Variants in MCTP1 observed in about 807,000 individuals in gnomAD.
MCTP1 encodes the protein multiple C2 and transmembrane domain containing 1, also known as multiple C2 and transmembrane domain-containing protein 1.
Under a neutral mutation model 120.6 loss-of-function variants are expected in MCTP1, and 69 were observed. The observed-to-expected ratio is 0.57, with a 90% CI of 0.47 to 0.70. MCTP1 has a LOEUF of 0.70. Ranked by LOEUF, MCTP1 falls within the 30% of genes least tolerant of loss-of-function variation. The pLI is 0.00. For synonymous variants in MCTP1, 529 were observed against 493.1 expected, an observed-to-expected ratio of 1.07 and a Z score of -0.96; for missense variants, 1,203 against 1,248.8, an observed-to-expected ratio of 0.96 and a Z score of 0.55.
chr5:94,894,104 G>T (rs145673723), intron 11 of MCTP1, among the ~76,000 whole-genome samples: 1 of 152,180 alleles, frequency 6.6e-6, no homozygotes, highest in Admixed American at 6.5e-5. Context: ...CCATACTATC[G>T]TTCCACATTC....
intron 11 of MCTP1, among the ~76,000 whole-genome samples, chr5:94,894,309 C>G (rs1803377716): frequency 6.6e-6 from 1 of 152,210 alleles, no homozygotes; most frequent in African/African-American, 2.4e-5. Flanking sequence ...ATTTTAATTG[C>G]AGCTACAAAG....
At position 95,061,408 on chromosome 5, in the gene MCTP1, GTTTTT is replaced by G. The variant is rs556663513; in HGVS notation, c.721-43929_721-43925del. Reference sequence around the variant, plus strand: ...ATCAATTTTCACAAACCCCTTAAGGGTTTTTTTTTTTTTTTTTTTTTTTTTTTTTT... The same window carrying G: ...ATCAATTTTCACAAACCCCTTAAGGGTTTTTTTTTTTTTTTTTTTTTTTTT... On this transcript the variant is annotated intron_variant, in intron 1 of 22. Coordinates refer to ENST00000515393, the MANE Select transcript of MCTP1 (RefSeq NM_024717.7). Among the ~76,000 whole-genome samples, 134 of 33,438 alleles carry G rather than the reference GTTTTT, an allele frequency of 4.0e-3. 37 individuals carry two copies. The highest frequency in any genetic ancestry group is 5.7e-3 in the Non-Finnish European group (91 of 16,044). The allele number at this position is 33,438 out of a possible 152,430, so 21.9% of individuals were successfully genotyped here.
intron 19 of MCTP1, among the ~76,000 whole-genome samples, chr5:94,749,654 C>CAAAAAAAAAAAAAAAAAAAAAAAAAA (rs57404381): frequency 2.0e-5 from 1 of 50,944 alleles, no homozygotes; most frequent in Non-Finnish European, 3.3e-5. Flanking sequence ...GACTTCATCT[C>CAAAAAAAAAAAAAAAAAAAAAAAAAA]AAAAAAAAAA....
At chr5:95,161,095 A>G (rs938339880) in intron 1 of MCTP1, among the ~76,000 whole-genome samples, 2 of 152,176 alleles carry the variant, frequency 1.3e-5, no homozygotes, top group African/African-American at 4.8e-5. Flanking sequence ...TTCTGGGTAT[A>G]TATCCAAAGG....
intron 17 of MCTP1, among the ~76,000 whole-genome samples, chr5:94,804,968 C>A (rs951905957): frequency 2.0e-5 from 3 of 152,108 alleles, no homozygotes; most frequent in Middle Eastern, 6.8e-3. Context: ...AAATCTAGAT[C>A]TTTACAAAAA....
intron 1 of MCTP1, among the ~76,000 whole-genome samples, chr5:95,165,382 A>G (rs1368959035): frequency 6.6e-6 from 1 of 152,188 alleles, no homozygotes; most frequent in Non-Finnish European, 1.5e-5. Context: ...AATCTTTGAT[A>G]TTTAGTACGC....
At chr5:95,263,903 C>T (rs760082550) in intron 1 of MCTP1, among the ~76,000 whole-genome samples, 1 of 152,270 alleles carries the variant, frequency 6.6e-6, no homozygotes, top group Middle Eastern at 3.4e-3. Context: ...CAGTCTCCAC[C>T]CAGGGGCAGG....
At chr5:94,827,441 T>A (rs1450249488) in intron 17 of MCTP1, among the ~76,000 whole-genome samples, 1 of 152,194 alleles carries the variant, frequency 6.6e-6, no homozygotes, top group African/African-American at 2.4e-5. Flanking sequence ...CTGACAATTA[T>A]GTGTCTTGGG....
At chr5:95,253,507 A>G (rs1582666337) in intron 1 of MCTP1, among the ~76,000 whole-genome samples, 1 of 152,036 alleles carries the variant, frequency 6.6e-6, no homozygotes, top group Admixed American at 6.6e-5. Flanking sequence ...ACACACAGCT[A>G]TATTATGTAC....
chr5:95,067,433 T>C (rs1367710691), intron 1 of MCTP1, among the ~76,000 whole-genome samples: 1 of 152,012 alleles, frequency 6.6e-6, no homozygotes, highest in East Asian at 1.9e-4. Flanking sequence ...AAAAATAAAA[T>C]ACAACATGAA....
intron 8 of MCTP1, among the ~76,000 whole-genome samples, chr5:94,916,082 A>G (rs1423205006): frequency 6.6e-6 from 1 of 152,170 alleles, no homozygotes; most frequent in Non-Finnish European, 1.5e-5. Flanking sequence ...TTCTTCAATA[A>G]TTTTTGTTCA....
intron 1 of MCTP1, among the ~76,000 whole-genome samples, chr5:95,092,403 A>G (rs549381213): frequency 6.6e-6 from 1 of 152,328 alleles, no homozygotes; most frequent in East Asian, 1.9e-4. Context: ...AAATCCAGCT[A>G]GATAGGAGGA....
chr5:95,069,220 G>A (rs540770674), intron 1 of MCTP1, among the ~76,000 whole-genome samples: 1 of 152,140 alleles, frequency 6.6e-6, no homozygotes, highest in African/African-American at 2.4e-5. Flanking sequence ...CAAATTATTG[G>A]TAAGTCAGGG....
chr5:94,841,429 T>C (rs956030243), intron 17 of MCTP1, among the ~76,000 whole-genome samples: 13 of 152,174 alleles, frequency 8.5e-5, no homozygotes, highest in Non-Finnish European at 1.5e-4. Context: ...CTACTTACCA[T>C]TTCATAGTGG....
At chr5:94,995,935 C>G (rs1269338889) in intron 2 of MCTP1, among the ~76,000 whole-genome samples, 1 of 152,078 alleles carries the variant, frequency 6.6e-6, no homozygotes, top group Non-Finnish European at 1.5e-5. Flanking sequence ...TGTCTCAAGA[C>G]TTTAAATCAA....
chr5:94,942,825 T>C (rs1358235427), intron 3 of MCTP1, among the ~76,000 whole-genome samples: 1 of 152,070 alleles, frequency 6.6e-6, no homozygotes, highest in East Asian at 1.9e-4. Flanking sequence ...TTTTGTGATA[T>C]AGGACAATGC....
chr5:95,086,088 T>G (rs750618968), intron 1 of MCTP1, among the ~76,000 whole-genome samples: 27 of 152,286 alleles, frequency 1.8e-4, no homozygotes, highest in Non-Finnish European at 3.4e-4. Flanking sequence ...TTTTCTGTTA[T>G]TTACCTGTAA....
intron 19 of MCTP1, among the ~76,000 whole-genome samples, chr5:94,753,192 C>T (rs577215875): frequency 6.6e-6 from 1 of 152,248 alleles, no homozygotes; most frequent in East Asian, 1.9e-4. Context: ...AGAAGTCAGT[C>T]TTATGAAATG....
intron 9 of MCTP1, among the ~76,000 whole-genome samples, chr5:94,910,134 ATATATG>A (rs1334422780): frequency 1.4e-5 from 2 of 140,238 alleles, no homozygotes; most frequent in Non-Finnish European, 3.2e-5. Context: ...GTATACATGT[ATATATG>A]TATGAGTATA....
Sources: gnomAD v4.1 joint callset for allele counts (sites outside exome capture counted in the v4.1 genomes callset) on GRCh38, gnomAD v4.1.1 for gene constraint, MANE v1.5 for transcripts, NCBI Gene and HGNC (gene_info 2026-07-23, HGNC 2026-07-21) for gene names.